MFSD6: variants seen among roughly 807,000 people sequenced by gnomAD.
MFSD6 encodes major facilitator superfamily domain-containing protein 6.
MFSD6 carries 26 observed loss-of-function variants against 56.3 expected under a neutral mutation model. That is an observed-to-expected ratio of 0.46 (90% CI 0.34 to 0.64). The LOEUF (loss-of-function observed/expected upper bound fraction) is 0.64. Ranked by LOEUF, MFSD6 falls within the 30% of genes least tolerant of loss-of-function variation. MFSD6 has a pLI of 0.01. For synonymous variants in MFSD6, 331 were observed against 366.9 expected (o/e 0.90, Z 1.12); for missense variants, 750 against 986.2 (o/e 0.76, Z 3.21).
chr2:190,488,078 A>G lies in MFSD6; in HGVS notation c.1631-579A>G, dbSNP rs2125233181. Reference sequence around the variant, plus strand: ...CCACCACGCCAGGCTAATTTTTTGTATTTTAGTAGAGACAGGGTTTCACCA... The same window carrying G: ...CCACCACGCCAGGCTAATTTTTTGTGTTTTAGTAGAGACAGGGTTTCACCA... On this transcript the variant is annotated intron_variant, in intron 4 of 7. Transcript: ENST00000392328. The surrounding 1 kb of genome is among the most constrained non-coding windows in gnomAD (Gnocchi z 6.4). Among the ~76,000 whole-genome samples the G allele has an allele frequency of 6.6e-6, 1 of 151,966 alleles. No individual in the cohort carries two copies. The highest frequency in any genetic ancestry group is 2.4e-5 in the African/African-American group (1 of 41,450).
chr2:190,481,425 C>T (rs1435232398), intron 4 of MFSD6, among the ~76,000 whole-genome samples: 1 of 152,130 alleles, frequency 6.6e-6, no homozygotes, highest in Non-Finnish European at 1.5e-5. Context: ...ACCTTTTATC[C>T]ATAAATGCTT....
chr2:190,474,849 A>C (rs1028292206), intron 4 of MFSD6, among the ~76,000 whole-genome samples: 64 of 152,336 alleles, frequency 4.2e-4, no homozygotes, highest in Non-Finnish European at 8.2e-4. Flanking sequence ...CCAGCAGCAC[A>C]TCAAAAAGCT....
Position 190,488,646 on chromosome 2 carries a change from T to G in MFSD6, c.1631-11T>G. On this transcript the variant is annotated splice_polypyrimidine_tract_variant and intron_variant, in intron 4 of 7. Coordinates refer to ENST00000392328, the MANE Select transcript of MFSD6 (RefSeq NM_017694.4). This position sits in a 1 kb window ranked among gnomAD's most constrained non-coding sequence, Gnocchi z 6.4. ...AACCAACTAATCCCTCCTGCTCTTC[T>G]TCCTCTCCAGGAGTGACACACGCGG... 6.7e-7 allele frequency: 1 copy of G among 1,489,728 alleles called. No individual in the cohort carries two copies. The highest frequency in any genetic ancestry group is 1.8e-4 in the Middle Eastern group (1 of 5,572). The allele number at this position is 1,489,728 out of a possible 1,614,324, so 92.3% of individuals were successfully genotyped here. A position where few individuals can be genotyped will look rare whatever the true frequency, so the allele number is the denominator to read the frequency against.
rs919372035 is a variant in MFSD6, at chr2:190,463,721, G to A, written c.1533-6037G>A. 3.3e-5 allele frequency: 7 copies of A among 212,240 alleles called. No homozygotes were observed. The Admixed American group carries it at 3.9e-4, about 12-fold the overall frequency. The allele number at this position is 212,240 out of a possible 1,614,324, so 13.1% of individuals were successfully genotyped here. ...TGTAGTCCCAGCTACTTGGGGGGCT[G>A]AGGTGGGAGGATCACCTGGGCTCTG... is the stretch of plus-strand genomic sequence containing the variant. On this transcript the variant is annotated intron_variant, in intron 3 of 7. Transcript: ENST00000392328. The surrounding 1 kb of genome is among the most constrained non-coding windows in gnomAD (Gnocchi z 4.4).
At position 190,490,432 on chromosome 2, in the gene MFSD6, G is replaced by A. The variant is rs1689275176; in HGVS notation, c.1891+566G>A. On this transcript the variant is annotated intron_variant, in intron 6 of 7. Coordinates refer to ENST00000392328, the MANE Select transcript of MFSD6 (RefSeq NM_017694.4). This position sits in a 1 kb window ranked among gnomAD's most constrained non-coding sequence, Gnocchi z 4.5. ...TAAAAAATTAGCCGGGCACGGTGGTGGGCGCCTGTAATCCCAGCTACTCAG... is the reference window on the plus strand; with the variant it reads ...TAAAAAATTAGCCGGGCACGGTGGTAGGCGCCTGTAATCCCAGCTACTCAG... Among the ~76,000 whole-genome samples, 1 of 151,928 alleles carries A rather than the reference G, an allele frequency of 6.6e-6. No homozygotes were observed. The highest frequency in any genetic ancestry group is 2.4e-5 in the African/African-American group (1 of 41,368).
intron 4 of MFSD6, among the ~76,000 whole-genome samples, chr2:190,486,751 G>A (rs1042106819): frequency 6.6e-6 from 1 of 152,152 alleles, no homozygotes; most frequent in African/African-American, 2.4e-5. Context: ...TCCAAAATAC[G>A]AGTTAAGAGT....
chr2:190,465,387 T>C lies in MFSD6; in HGVS notation c.1533-4371T>C, dbSNP rs574002892. On this transcript the variant is annotated intron_variant, in intron 3 of 7. Transcript: ENST00000392328. This position sits in a 1 kb window ranked among gnomAD's most constrained non-coding sequence, Gnocchi z 4.6. ...TCATGCTGTTTTTGAGTTTTATCAT[T>C]ATAGGTGTTCAGTAGGTATCTATAT... 3.3e-5 allele frequency among the ~76,000 whole-genome samples: 5 copies of C among 152,272 alleles called. No individual in the cohort carries two copies. The highest frequency in any genetic ancestry group is 2.1e-4 in the South Asian group (1 of 4,822).
rs1687330568 is a variant in MFSD6, at chr2:190,461,567, A to G, written c.1533-8191A>G. 6.6e-6 allele frequency among the ~76,000 whole-genome samples: 1 copy of G among 152,200 alleles called. No homozygotes were observed. Among genetic ancestry groups the G allele is most frequent in the African/African-American group, 2.4e-5 (1 of 41,452 alleles). On this transcript the variant is annotated intron_variant, in intron 3 of 7. Coordinates refer to ENST00000392328, the MANE Select transcript of MFSD6 (RefSeq NM_017694.4). This position sits in a 1 kb window ranked among gnomAD's most constrained non-coding sequence, Gnocchi z 5.5. ...TGGAGGCTGGGAAGTGCAAGATCAA[A>G]GTGTTGGCAGGTTCGGTGACTGGTA...
Position 190,447,114 on chromosome 2 carries a change from C to G in MFSD6, c.1532+9553C>G, listed in dbSNP as rs962639226. Among the ~76,000 whole-genome samples the G allele has an allele frequency of 6.6e-6, 1 of 152,066 alleles. No homozygotes were observed. The highest frequency in any genetic ancestry group is 2.4e-5 in the African/African-American group (1 of 41,404). On this transcript the variant is annotated intron_variant, in intron 3 of 7. Transcript: ENST00000392328. This position sits in a 1 kb window ranked among gnomAD's most constrained non-coding sequence, Gnocchi z 4.5. ...TAAAAAAAAAAACTTGAAAGGATGT[C>G]TTGACACACAAAATATAAAAATATT...
At position 190,496,807 on chromosome 2, in the gene MFSD6, AG is replaced by A. The variant is rs1254116449; in HGVS notation, c.1892-631del. Among the ~76,000 whole-genome samples the A allele has an allele frequency of 6.6e-6, 1 of 152,234 alleles. No individual in the cohort carries two copies. The highest frequency in any genetic ancestry group is 1.5e-5 in the Non-Finnish European group (1 of 68,040). On this transcript the variant is annotated intron_variant, in intron 6 of 7. Transcript: ENST00000392328. This position sits in a 1 kb window ranked among gnomAD's most constrained non-coding sequence, Gnocchi z 4.7. ...ACCATATTCTAAGTGAAGCAACTCA[AG>A]AATGGAAAACCAAACATCGTATATT... is the stretch of plus-strand genomic sequence containing the variant.
At position 190,436,881 on chromosome 2, in the gene MFSD6, T is replaced by A; in HGVS notation, c.852T>A (p.Val284=). ...TGCTTGTTTATGATCAACAAGAAGT[T>A]GAAGCTATATTCTTGGTGATCTTGG... is the stretch of plus-strand genomic sequence containing the variant. ...QVMLVYDQQE[V]EAIFLVILVV... The change falls in exon 3 of 8, where the codon GTT becomes GTA. Residue 284 remains valine (V), a synonymous_variant. Transcript: ENST00000392328. The surrounding 1 kb of genome is among the most constrained non-coding windows in gnomAD (Gnocchi z 5.3). 1 of 1,614,228 alleles carries A rather than the reference T, an allele frequency of 6.2e-7. No homozygotes were observed. The highest frequency in any genetic ancestry group is 8.5e-7 in the Non-Finnish European group (1 of 1,180,038).
rs558252114 is a variant in MFSD6 at position 190,471,247 on chromosome 2, G to C, written c.1630+1392G>C. Among the ~76,000 whole-genome samples, 276 of 152,312 alleles carry C rather than the reference G, an allele frequency of 1.8e-3. 1 individual carries two copies. Among genetic ancestry groups the C allele is most frequent in the African/African-American group, 6.4e-3 (266 of 41,570 alleles). ...GGGGATTGTCAGGCAGTGGGTGCAG[G>C]ATAGTGGGTGCAGCGCGGTGAGCGT... On this transcript the variant is annotated intron_variant, in intron 4 of 7. Coordinates refer to ENST00000392328, the MANE Select transcript of MFSD6 (RefSeq NM_017694.4). The surrounding 1 kb of genome is among the most constrained non-coding windows in gnomAD (Gnocchi z 4.7).
At chr2:190,473,778 C>T (rs1206147999) in intron 4 of MFSD6, among the ~76,000 whole-genome samples, 2 of 152,160 alleles carry the variant, frequency 1.3e-5, no homozygotes, top group Non-Finnish European at 2.9e-5. Flanking sequence ...TTCTTTTCAG[C>T]ACCACACCTA....
In MFSD6 at chr2:190,408,494, G is replaced by C. The variant is rs1353720770; in HGVS notation, c.-185G>C. On this transcript the variant is annotated 5_prime_UTR_variant, in exon 1 of 8. Transcript: ENST00000392328. ...CCCCGCGCAGCTGAGCGCTGCCGCCGCCGCAGCAGGTGAGTCGGGCCCGGC... is the reference window on the plus strand; with the variant it reads ...CCCCGCGCAGCTGAGCGCTGCCGCCCCCGCAGCAGGTGAGTCGGGCCCGGC... 1.3e-5 allele frequency: 2 copies of C among 152,050 alleles called. No homozygotes were observed. The highest frequency in any genetic ancestry group is 6.6e-5 in the Admixed American group (1 of 15,210). 9.4% of individuals were successfully genotyped at this position (152,050 alleles called of 1,614,324 possible). A position where few individuals can be genotyped will look rare whatever the true frequency, so the allele number is the denominator to read the frequency against.
intron 4 of MFSD6, among the ~76,000 whole-genome samples, chr2:190,478,494 G>T (rs543962719): frequency 9.8e-5 from 15 of 152,316 alleles, no homozygotes; most frequent in Admixed American, 5.2e-4. Flanking sequence ...TGACTGAAGA[G>T]GTTTGTTTTG....
chr2:190,486,210 A>T (rs1688999951), intron 4 of MFSD6, among the ~76,000 whole-genome samples: 1 of 152,230 alleles, frequency 6.6e-6, no homozygotes, highest in African/African-American at 2.4e-5. Context: ...CCTAGGAATC[A>T]TGAGTTGTTC....
chr2:190,416,999 T>C lies in MFSD6; in HGVS notation c.-54+1586T>C, dbSNP rs961453303. On this transcript the variant is annotated intron_variant, in intron 2 of 7. Coordinates refer to ENST00000392328, the MANE Select transcript of MFSD6 (RefSeq NM_017694.4). The surrounding 1 kb of genome is among the most constrained non-coding windows in gnomAD (Gnocchi z 4.1). The stretch of plus-strand genomic sequence containing the variant: ...GAGAGCTTACAGGGGTAAAGGGCAA[T>C]ATGTTATGTTCTAGATTCCTCCCTC... Among the ~76,000 whole-genome samples the C allele has an allele frequency of 6.6e-6, 1 of 152,102 alleles. No homozygotes were observed. The highest frequency in any genetic ancestry group is 1.5e-5 in the Non-Finnish European group (1 of 68,018).
chr2:190,497,865 G>C lies in MFSD6; in HGVS notation c.2172+146G>C. On this transcript the variant is annotated intron_variant, in intron 7 of 7. Coordinates refer to ENST00000392328, the MANE Select transcript of MFSD6 (RefSeq NM_017694.4). The surrounding 1 kb of genome is among the most constrained non-coding windows in gnomAD (Gnocchi z 5.2). ...GACATGCAAACAATTTCAGTACTCT[G>C]TGAGCACTGAGTTAAAGAGGGTGTA... The C allele has an allele frequency of 4.3e-6, 4 of 924,772 alleles. No homozygotes were observed. The highest frequency in any genetic ancestry group is 6.4e-6 in the Non-Finnish European group (4 of 625,182). 57.3% of individuals were successfully genotyped at this position (924,772 alleles called of 1,614,324 possible).
At chr2:190,441,235 G>C (rs191546220) in intron 3 of MFSD6, among the ~76,000 whole-genome samples, 84 of 152,074 alleles carry the variant, frequency 5.5e-4, no homozygotes, top group Admixed American at 3.3e-4. Context: ...TGTTTTCCAG[G>C]GTCTGTTCTC....
Sources: allele counts gnomAD v4.1 joint callset (sites outside exome capture counted in the v4.1 genomes callset), GRCh38; gene constraint gnomAD v4.1.1; non-coding constraint Gnocchi (gnomAD v3.1); transcripts MANE v1.5; gene names NCBI Gene and HGNC (gene_info 2026-07-23, HGNC 2026-07-21).